CPLX4: variants seen among roughly 807,000 people sequenced by gnomAD.
CPLX4 encodes complexin 4.
In CPLX4, 17 loss-of-function variants were observed where a neutral mutation model predicts 16.1. That is an observed-to-expected ratio of 1.06 (90% CI 0.72 to 1.59). The LOEUF (loss-of-function observed/expected upper bound fraction) is 1.59, where lower values mean the gene tolerates loss of function less well. CPLX4 is among the 40% of genes most tolerant of loss of function. The probability of loss-of-function intolerance (pLI) is 0.00; values close to 1 mark genes in which losing one functional copy is unlikely to be tolerated. For missense variants in CPLX4, 193 were observed against 192.9 expected (o/e 1.00, Z 0.00); for synonymous variants, 55 against 57.8 (o/e 0.95, Z 0.22).
chr18:59,316,579 C>T (rs1226267217), intron 1 of CPLX4, among the ~76,000 whole-genome samples: 3 of 152,062 alleles, frequency 2.0e-5, no homozygotes, highest in African/African-American at 7.2e-5. Context: ...ATAGGGAAGC[C>T]AAATGCTCCA....
chr18:59,308,516 C>A (rs551467691), intron 2 of CPLX4, among the ~76,000 whole-genome samples: 1 of 150,958 alleles, frequency 6.6e-6, no homozygotes, highest in Non-Finnish European at 1.5e-5. Flanking sequence ...TTTTCCCCCC[C>A]ATCCCATCCA....
In CPLX4 at chr18:59,295,423, TTTTA is replaced by T. The variant is rs979423363; in HGVS notation, c.*1271_*1274del. On this transcript the variant is annotated 3_prime_UTR_variant, in exon 3 of 3. Coordinates refer to ENST00000299721, the MANE Select transcript of CPLX4 (RefSeq NM_181654.4). ...TAGGTTTTGGACCTCTATTCATTTG[TTTTA>T]TTTGCTTAATTTTATTACATGAAAC... The T allele has an allele frequency of 1.3e-4, 20 of 152,152 alleles. No homozygotes were observed. The highest frequency in any genetic ancestry group is 4.6e-4 in the African/African-American group (19 of 41,418). The allele number at this position is 152,152 out of a possible 1,614,324, so 9.4% of individuals were successfully genotyped here.
At position 59,296,383 on chromosome 18, in the gene CPLX4, T is replaced by C. The variant is rs948994359; in HGVS notation, c.*315A>G. ...CCAAGGAAGAAAGTTGGAGAGGAAA[T>C]GCCCCTTGCTTTTGTTTCTTCCTGG... On this transcript the variant is annotated 3_prime_UTR_variant, in exon 3 of 3. Transcript: ENST00000299721. 2.9e-6 allele frequency: 1 copy of C among 344,058 alleles called. No individual in the cohort carries two copies. The allele number at this position is 344,058 out of a possible 1,614,324, so 21.3% of individuals were successfully genotyped here.
intron 2 of CPLX4, among the ~76,000 whole-genome samples, chr18:59,311,722 G>T (rs2070618025): frequency 1.3e-5 from 2 of 152,224 alleles, no homozygotes; most frequent in Admixed American, 1.3e-4. Context: ...GGTAGTGAAG[G>T]TGGAGTCAGG....
intron 2 of CPLX4, among the ~76,000 whole-genome samples, chr18:59,309,754 C>T (rs571522637): frequency 7.2e-6 from 1 of 138,600 alleles, no homozygotes; most frequent in South Asian, 2.2e-4. Flanking sequence ...ACCCAGGAGG[C>T]AGAGCTTGCA....
chr18:59,300,902 A>G (rs1484829698), intron 2 of CPLX4, among the ~76,000 whole-genome samples: 1 of 152,168 alleles, frequency 6.6e-6, no homozygotes, highest in Non-Finnish European at 1.5e-5. Context: ...CTTTAGCACT[A>G]GGCTCTCTAT....
At chr18:59,302,849 C>T (rs138431486) in intron 2 of CPLX4, among the ~76,000 whole-genome samples, 3 of 152,326 alleles carry the variant, frequency 2.0e-5, no homozygotes, top group East Asian at 3.9e-4. Flanking sequence ...TGAGCATTCT[C>T]CTCTTGTCAG....
At chr18:59,312,452 A>C (rs892922172) in intron 2 of CPLX4, among the ~76,000 whole-genome samples, 9 of 148,214 alleles carry the variant, frequency 6.1e-5, no homozygotes, top group African/African-American at 2.0e-4. Context: ...ATATATATAT[A>C]TATCTCCTGA....
chr18:59,309,229 T>A (rs1013633944), intron 2 of CPLX4, among the ~76,000 whole-genome samples: 1 of 152,302 alleles, frequency 6.6e-6, no homozygotes, highest in Non-Finnish European at 1.5e-5. Flanking sequence ...TTCCATACCA[T>A]AGGCACGGTT....
chr18:59,304,443 C>A (rs550890486), intron 2 of CPLX4, among the ~76,000 whole-genome samples: 33 of 152,246 alleles, frequency 2.2e-4, no homozygotes, highest in African/African-American at 7.7e-4. Context: ...AACAAGGAAA[C>A]CTTTGTGTTT....
chr18:59,302,956 C>T (rs1005050207), intron 2 of CPLX4, among the ~76,000 whole-genome samples: 13 of 152,130 alleles, frequency 8.5e-5, no homozygotes, highest in African/African-American at 3.1e-4. Context: ...TATTGTTGTC[C>T]ACAGGATACC....
At chr18:59,301,772 A>T (rs1451241969) in intron 2 of CPLX4, among the ~76,000 whole-genome samples, 1 of 152,192 alleles carries the variant, frequency 6.6e-6, no homozygotes, top group African/African-American at 2.4e-5. Context: ...AGATTGTGGG[A>T]TTTGGAGTTA....
At chr18:59,309,818 G>C (rs1170393571) in intron 2 of CPLX4, among the ~76,000 whole-genome samples, 2 of 90,478 alleles carry the variant, frequency 2.2e-5, no homozygotes. Flanking sequence ...GTGAGACTCT[G>C]TGTCAAAAAA....
In CPLX4 at chr18:59,296,747, G is replaced by T; in HGVS notation, c.434C>A (p.Thr145Asn). The part of the protein sequence containing the change: ...LDTIKEKAQA[T>N]FTEIKQTAEQ... ...CGCTGTCTGCTTGATTTCAGTGAAGGTGGCCTGGGCTTTTTCTTTTATGGT... is the reference window on the plus strand; with the variant it reads ...CGCTGTCTGCTTGATTTCAGTGAAGTTGGCCTGGGCTTTTTCTTTTATGGT... The change falls in exon 3 of 3, where the codon ACC (threonine) becomes AAC (asparagine). Residue 145 changes from threonine to asparagine, a missense_variant. Transcript: ENST00000299721. 1 of 1,613,738 alleles carries T rather than the reference G, an allele frequency of 6.2e-7. No individual in the cohort carries two copies. Among genetic ancestry groups the T allele is most frequent in the Non-Finnish European group, 8.5e-7 (1 of 1,179,956 alleles).
Position 59,318,555 on chromosome 18 carries a change from A to G in CPLX4, c.-93T>C. The G allele has an allele frequency of 6.7e-7, 1 of 1,484,174 alleles. No homozygotes were observed. Among genetic ancestry groups the G allele is most frequent in the Non-Finnish European group, 8.9e-7 (1 of 1,124,932 alleles). The allele number at this position is 1,484,174 out of a possible 1,614,324, so 91.9% of individuals were successfully genotyped here. On this transcript the variant is annotated 5_prime_UTR_variant, in exon 1 of 3. An upstream open reading frame in the 5' UTR loses its in-frame stop. Transcript: ENST00000299721. ...CAAGAGAAAACCTCCAAATATTCTCAATGACAGCAATACATTTAAGAGCAA... is the reference window on the plus strand; with the variant it reads ...CAAGAGAAAACCTCCAAATATTCTCGATGACAGCAATACATTTAAGAGCAA...
At chr18:59,304,002 G>A (rs1185055089) in intron 2 of CPLX4, among the ~76,000 whole-genome samples, 3 of 152,204 alleles carry the variant, frequency 2.0e-5, no homozygotes, top group Non-Finnish European at 2.9e-5. Context: ...CTAATCTGAA[G>A]GGGTCTGGCA....
At chr18:59,298,872 G>A (rs752473896) in intron 2 of CPLX4, among the ~76,000 whole-genome samples, 6 of 152,172 alleles carry the variant, frequency 3.9e-5, no homozygotes, top group Non-Finnish European at 7.3e-5. Flanking sequence ...TCTTTGATTC[G>A]GTTCCCTGGG....
At chr18:59,304,808 G>T (rs1482841833) in intron 2 of CPLX4, among the ~76,000 whole-genome samples, 3 of 152,182 alleles carry the variant, frequency 2.0e-5, no homozygotes, top group Non-Finnish European at 4.4e-5. Flanking sequence ...CTGACCTCGT[G>T]ATCTGCCCAC....
At chr18:59,318,154 C>A in intron 1 of CPLX4, 142 bp downstream of exon 1, 1 of 1,376,198 alleles carries the variant, frequency 7.3e-7, no homozygotes, top group African/African-American at 1.4e-5. Context: ...TTTAGAAGAA[C>A]AACCTTTCCT....
Sources: allele counts gnomAD v4.1 joint callset (sites outside exome capture counted in the v4.1 genomes callset), GRCh38; gene constraint gnomAD v4.1.1; transcripts MANE v1.5; gene names NCBI Gene and HGNC (gene_info 2026-07-23, HGNC 2026-07-21).